The following CAPN1 variants were observed in gnomAD, a reference collection of about 807,000 sequenced individuals.
CAPN1 encodes calpain-1 catalytic subunit.
CAPN1 carries 77 observed loss-of-function variants against 105.2 expected under a neutral mutation model. The observed-to-expected ratio is 0.73, with a 90% CI of 0.61 to 0.88. The LOEUF (loss-of-function observed/expected upper bound fraction) is 0.88. Among genes scored for constraint, CAPN1 ranks in the 40% least tolerant of loss-of-function variants. The pLI, the probability that CAPN1 is intolerant of heterozygous loss-of-function variation, is 0.00. For synonymous variants in CAPN1, 355 were observed against 388.8 expected (o/e 0.91, Z 1.02); for missense variants, 833 against 976.6 (o/e 0.85, Z 1.96).
chr11:65,200,639 G>A (rs886203554), intron 10 of CAPN1, among the ~76,000 whole-genome samples: 5 of 152,064 alleles, frequency 3.3e-5, no homozygotes, highest in African/African-American at 7.2e-5. Context: ...CACCGTGCCC[G>A]GCCGCCTTGT....
chr11:65,188,050 A>G lies in CAPN1; in HGVS notation c.929+10A>G. On this transcript the variant is annotated intron_variant, in intron 8 of 21. Coordinates refer to ENST00000279247, the MANE Select transcript of CAPN1 (RefSeq NM_005186.4). This position sits in a 1 kb window ranked among gnomAD's most constrained non-coding sequence, Gnocchi z 5.5. The stretch of plus-strand genomic sequence containing the variant: ...GAGCCTGGAGCGACAGGTGAGGGGC[A>G]GTGGGCACTGTCTGGAGTGCCTTGG... The G allele has an allele frequency of 6.5e-7, 1 of 1,543,486 alleles. No individual in the cohort carries two copies. Among genetic ancestry groups the G allele is most frequent in the Non-Finnish European group, 8.8e-7 (1 of 1,140,482 alleles).
At position 65,185,976 on chromosome 11, in the gene CAPN1, C is replaced by T. The variant is rs200819735; in HGVS notation, c.516C>T (p.Asp172=). The T allele has an allele frequency of 4.2e-5, 68 of 1,602,604 alleles. No individual in the cohort carries two copies. The Admixed American group carries it at 5.8e-4, about 14-fold the overall frequency. ...VVVDDLLPIK[D]GKLVFVHSAE... ...TGGATGACCTGCTGCCCATCAAGGA[C>T]GGGAAGCTAGTGTTCGTGCACTCTG... is the stretch of plus-strand genomic sequence containing the variant. Residue 172 remains aspartate, a synonymous_variant, in exon 5 of 22, where the codon GAC becomes GAT. Transcript: ENST00000279247.
rs767354316 is a variant in CAPN1, at chr11:65,186,216, G to A, written c.637G>A (p.Gly213Ser). Residue 213 changes from glycine to serine, a missense_variant, in exon 6 of 22, where the codon GGC becomes AGC. Coordinates refer to ENST00000279247, the MANE Select transcript of CAPN1 (RefSeq NM_005186.4). Reference protein sequence around the residue: ...EALSGGSTSEGFEDFTGGVTE... With the variant: ...EALSGGSTSESFEDFTGGVTE... ...CCTGTCAGGGGGCAGCACCTCAGAG[G>A]GCTTTGAGGACTTCACAGGCGGGGT... The A allele has an allele frequency of 2.5e-6, 4 of 1,613,720 alleles. No homozygotes were observed. The highest frequency in any genetic ancestry group is 3.4e-6 in the Non-Finnish European group (4 of 1,179,764).
chr11:65,183,448 G>T, intron 3 of CAPN1, 26 bp from the exon 4 acceptor site: 4 of 1,553,584 alleles, frequency 2.6e-6, no homozygotes, highest in Non-Finnish European at 3.6e-6. Context: ...GGTAGAGCAG[G>T]CTAATGTGCA....
At position 65,208,342 on chromosome 11, in the gene CAPN1, G is replaced by A; in HGVS notation, c.1729+80G>A. ...CAGGCTCCTGCTCACACATTGAGCT[G>A]AACCTCATCCCTTGGTCTGCATGAG... On this transcript the variant is annotated intron_variant, in intron 16 of 21. Transcript: ENST00000279247. This position sits in a 1 kb window ranked among gnomAD's most constrained non-coding sequence, Gnocchi z 4.1. 9.0e-6 allele frequency: 12 copies of A among 1,332,864 alleles called. No individual in the cohort carries two copies. The highest frequency in any genetic ancestry group is 1.3e-5 in the Non-Finnish European group (12 of 948,976). The allele number at this position is 1,332,864 out of a possible 1,614,324, so 82.6% of individuals were successfully genotyped here.
rs2271446 is a variant in CAPN1 at position 65,210,312 on chromosome 11, C to A, written c.1943-24C>A. On this transcript the variant is annotated intron_variant, in intron 19 of 21. Transcript: ENST00000279247. The surrounding 1 kb of genome is among the most constrained non-coding windows in gnomAD (Gnocchi z 4.3). The stretch of plus-strand genomic sequence containing the variant: ...TTGGGCAGGGGCTGCGCCTCACTGA[C>A]CTTCACTCACTCTCCTGGACCAGGC... 2.6e-6 allele frequency: 4 copies of A among 1,539,194 alleles called. No homozygotes were observed. Among genetic ancestry groups the A allele is most frequent in the Non-Finnish European group, 3.6e-6 (4 of 1,116,516 alleles).
intron 14 of CAPN1, 113 bp from the exon 15 acceptor site, chr11:65,207,942 C>T: frequency 1.4e-6 from 1 of 693,394 alleles, no homozygotes; most frequent in Non-Finnish European, 2.4e-6. Flanking sequence ...AAGTGAGGCT[C>T]AGAGAAGCGA....
intron 10 of CAPN1, among the ~76,000 whole-genome samples, chr11:65,200,155 T>C (rs1484814088): frequency 6.6e-6 from 1 of 152,082 alleles, no homozygotes; most frequent in African/African-American, 2.4e-5. Flanking sequence ...GCTCAAGGAA[T>C]CCTTCCACCT....
intron 10 of CAPN1, among the ~76,000 whole-genome samples, chr11:65,199,649 CT>C (rs1291521444): frequency 6.6e-6 from 1 of 152,128 alleles, no homozygotes; most frequent in African/African-American, 2.4e-5. Flanking sequence ...TGGGTTGTTC[CT>C]TCAGCTCCTT....
At chr11:65,192,666 T>C (rs1948734307) in intron 10 of CAPN1, among the ~76,000 whole-genome samples, 1 of 151,918 alleles carries the variant, frequency 6.6e-6, no homozygotes, top group Non-Finnish European at 1.5e-5. Flanking sequence ...GAGACAGGGT[T>C]TTTTAGAGAG....
chr11:65,204,981 C>A, intron 11 of CAPN1, 123 bp downstream of exon 11: 1 of 748,314 alleles, frequency 1.3e-6, no homozygotes, highest in Non-Finnish European at 2.2e-6. Context: ...CCACAAATTC[C>A]CCTCCACTCC....
In CAPN1 at chr11:65,208,546, G is replaced by C. The variant is rs560926318; in HGVS notation, c.1729+284G>C. 9.7e-6 allele frequency: 5 copies of C among 517,348 alleles called. No individual in the cohort carries two copies. The South Asian group carries it at 1.0e-4, about 11-fold the overall frequency. 32.0% of individuals were successfully genotyped at this position (517,348 alleles called of 1,614,324 possible). A position where few individuals can be genotyped will look rare whatever the true frequency, so the allele number is the denominator to read the frequency against. On this transcript the variant is annotated intron_variant, in intron 16 of 21. Coordinates refer to ENST00000279247, the MANE Select transcript of CAPN1 (RefSeq NM_005186.4). The surrounding 1 kb of genome is among the most constrained non-coding windows in gnomAD (Gnocchi z 4.1). ...TGTAGTCCCAACACTCTGGGAGGCC[G>C]AGGCAGGAGTCGCTTCAGCCCAGGA...
intron 10 of CAPN1, among the ~76,000 whole-genome samples, chr11:65,195,657 A>G (rs1233629700): frequency 6.6e-6 from 1 of 151,498 alleles, no homozygotes; most frequent in Non-Finnish European, 1.5e-5. Flanking sequence ...GAGGGGGTGG[A>G]TTTTTGCATC....
chr11:65,187,107 A>T lies in CAPN1; in HGVS notation c.760-108A>T, dbSNP rs1052547708. ...GGGGTCCCTGCTTGCTTCTCCTAGC[A>T]ACTGTTGTATGTGCAAGTGGGAACG... On this transcript the variant is annotated intron_variant, in intron 6 of 21. Transcript: ENST00000279247. 10 of 750,976 alleles carry T rather than the reference A, an allele frequency of 1.3e-5. No homozygotes were observed. In the African/African-American group the frequency reaches 1.7e-4, roughly 13 times the overall value. 46.5% of individuals were successfully genotyped at this position (750,976 alleles called of 1,614,324 possible). A position where few individuals can be genotyped will look rare whatever the true frequency, so the allele number is the denominator to read the frequency against.
chr11:65,201,346 C>T (rs1948866444), intron 10 of CAPN1, among the ~76,000 whole-genome samples: 1 of 152,094 alleles, frequency 6.6e-6, no homozygotes. Flanking sequence ...CTCGGTCTCC[C>T]AAAACACTGG....
rs769854700 is a variant in CAPN1 at position 65,183,110 on chromosome 11, A to G, written c.268-18A>G. ...TGGGAGGGGCTGGCCGAGGAACAGG[A>G]CTCTGGGTCTCTCGTAGGAACTGCT... On this transcript the variant is annotated intron_variant, in intron 2 of 21. Coordinates refer to ENST00000279247, the MANE Select transcript of CAPN1 (RefSeq NM_005186.4). 10 of 1,613,388 alleles carry G rather than the reference A, an allele frequency of 6.2e-6. No individual in the cohort carries two copies. In the African/African-American group the frequency reaches 1.2e-4, roughly 19 times the overall value.
At position 65,211,323 on chromosome 11, in the gene CAPN1, C is replaced by T. The variant is rs1949046369; in HGVS notation, c.*37C>T. ...GGTCCCCCTTGCCGTGCTCCCCTCC[C>T]TCCTCGTCTGCCAAGCCTCGCCTCC... On this transcript the variant is annotated 3_prime_UTR_variant, in exon 22 of 22. Coordinates refer to ENST00000279247, the MANE Select transcript of CAPN1 (RefSeq NM_005186.4). The T allele has an allele frequency of 6.2e-7, 1 of 1,606,952 alleles. No individual in the cohort carries two copies.
chr11:65,182,962 T>C lies in CAPN1; in HGVS notation c.261T>C (p.Arg87=). 6.2e-7 allele frequency: 1 copy of C among 1,613,300 alleles called. No individual in the cohort carries two copies. Among genetic ancestry groups the C allele is most frequent in the Non-Finnish European group, 8.5e-7 (1 of 1,179,656 alleles). Residue 87 remains arginine (R), a synonymous_variant, in exon 2 of 22, where the codon CGT becomes CGC. Coordinates refer to ENST00000279247, the MANE Select transcript of CAPN1 (RefSeq NM_005186.4). ...SSKTYGIKWK[R]PTELLSNPQF... is the part of the protein sequence containing the mutation. ...AGACCTATGGCATCAAGTGGAAGCG[T>C]CCCACGGTGAGAGGGGCCATCCTGG...
Position 65,210,974 on chromosome 11 carries a change from C to T in CAPN1, c.2118+102C>T. On this transcript the variant is annotated intron_variant, in intron 21 of 21. Transcript: ENST00000279247. The surrounding 1 kb of genome is among the most constrained non-coding windows in gnomAD (Gnocchi z 4.3). ...TCCTTTCCTGGAAATGAGCCTGGGC[C>T]TCAGAGCCAACCCTGAAGCCCGGGC... 9.1e-7 allele frequency: 1 copy of T among 1,102,700 alleles called. No homozygotes were observed. The highest frequency in any genetic ancestry group is 1.4e-6 in the Non-Finnish European group (1 of 719,456). The allele number at this position is 1,102,700 out of a possible 1,614,324, so 68.3% of individuals were successfully genotyped here. A position where few individuals can be genotyped will look rare whatever the true frequency, so the allele number is the denominator to read the frequency against.
Sources: gnomAD v4.1 joint callset for allele counts (sites outside exome capture counted in the v4.1 genomes callset) on GRCh38, gnomAD v4.1.1 for gene constraint, Gnocchi (gnomAD v3.1) non-coding constraint, MANE v1.5 for transcripts, NCBI Gene and HGNC (gene_info 2026-07-23, HGNC 2026-07-21) for gene names.